The following RPS6KA2 variants were observed in gnomAD, a reference collection of about 807,000 sequenced individuals.
RPS6KA2 encodes ribosomal protein S6 kinase alpha-2.
A neutral mutation model predicts 91.8 loss-of-function variants in RPS6KA2; 42 were observed. That is an observed-to-expected ratio of 0.46 (90% confidence interval 0.36 to 0.59). The LOEUF (loss-of-function observed/expected upper bound fraction) is 0.59. RPS6KA2 is among the 20% of genes least tolerant of loss of function. The pLI is 0.00. For missense variants in RPS6KA2, 798 were observed against 978.5 expected (o/e 0.82, Z 2.46); for synonymous variants, 414 against 393.6 (o/e 1.05, Z -0.61).
chr6:166,757,705 C>A (rs1205879051), intron 2 of RPS6KA2: 2 of 421,042 alleles, frequency 4.8e-6, no homozygotes, highest in Admixed American at 2.5e-5. Context: ...AGCCACCCCG[C>A]ACACCTCCTC....
At chr6:166,830,146 GAAAGAAAGA>G (rs1780149148) in intron 2 of RPS6KA2, among the ~76,000 whole-genome samples, 1 of 45,012 alleles carries the variant, frequency 2.2e-5, no homozygotes, top group African/African-American at 5.1e-5. Flanking sequence ...AAAAAAGAAA[GAAAGAAAGA>G]AAGAAAGAAA....
intron 1 of RPS6KA2, among the ~76,000 whole-genome samples, chr6:166,618,179 G>A (rs1196476463): frequency 6.6e-6 from 1 of 152,248 alleles, no homozygotes; most frequent in Admixed American, 6.5e-5. Context: ...TCACAGGGAA[G>A]AAACCTTCAA....
intron 1 of RPS6KA2, among the ~76,000 whole-genome samples, chr6:166,544,413 C>T (rs1003568110): frequency 6.6e-5 from 10 of 152,142 alleles, no homozygotes; most frequent in African/African-American, 2.2e-4. Context: ...CCTGATAGCT[C>T]GTGGGTCCTC....
chr6:166,455,698 C>A (rs552186954), intron 12 of RPS6KA2, among the ~76,000 whole-genome samples: 1 of 152,218 alleles, frequency 6.6e-6, no homozygotes, highest in Non-Finnish European at 1.5e-5. Context: ...CTCTGCTTCG[C>A]GGCACACGGA....
intron 2 of RPS6KA2, among the ~76,000 whole-genome samples, chr6:166,716,899 GC>G (rs1374814692): frequency 2.5e-5 from 1 of 39,720 alleles, no homozygotes; most frequent in East Asian, 2.6e-3. Flanking sequence ...TAAATAAACT[GC>G]AAAAAAAAGG....
chr6:166,777,093 G>A (rs1778641299), intron 2 of RPS6KA2, among the ~76,000 whole-genome samples: 1 of 152,174 alleles, frequency 6.6e-6, no homozygotes, highest in African/African-American at 2.4e-5. Context: ...AAGGAGGATG[G>A]GGCGGCTGTG....
At chr6:166,656,831 A>T (rs2128555888) in intron 2 of RPS6KA2, among the ~76,000 whole-genome samples, 1 of 152,254 alleles carries the variant, frequency 6.6e-6, no homozygotes, top group Non-Finnish European at 1.5e-5. Flanking sequence ...CGTTGTCCAG[A>T]TTCACCGCGG....
intron 6 of RPS6KA2, among the ~76,000 whole-genome samples, chr6:166,502,069 G>A (rs1274521136): frequency 6.6e-6 from 1 of 152,214 alleles, no homozygotes; most frequent in Non-Finnish European, 1.5e-5. Context: ...GGGCTGGGGA[G>A]CTACTGTGCA....
At chr6:166,841,439 G>A (rs1387360030) in intron 2 of RPS6KA2, among the ~76,000 whole-genome samples, 1 of 152,240 alleles carries the variant, frequency 6.6e-6, no homozygotes, top group African/African-American at 2.4e-5. Context: ...CAGAGCTGAC[G>A]ATGAGCTTTT....
intron 1 of RPS6KA2, among the ~76,000 whole-genome samples, chr6:166,564,045 C>G (rs553936400): frequency 3.9e-5 from 6 of 152,202 alleles, no homozygotes; most frequent in Non-Finnish European, 8.8e-5. Context: ...TGCAGAAATA[C>G]TGGACAACCT....
chr6:166,529,355 G>C (rs997354509), intron 3 of RPS6KA2, among the ~76,000 whole-genome samples: 1 of 152,138 alleles, frequency 6.6e-6, no homozygotes, highest in Non-Finnish European at 1.5e-5. Flanking sequence ...TTCACTCATA[G>C]GTGGGAATTG....
At chr6:166,577,632 G>A (rs997085165) in intron 1 of RPS6KA2, among the ~76,000 whole-genome samples, 16 of 152,164 alleles carry the variant, frequency 1.1e-4, no homozygotes, top group African/African-American at 3.6e-4. Context: ...TTGTATCTAG[G>A]AAGTAACTAG....
intron 2 of RPS6KA2, among the ~76,000 whole-genome samples, chr6:166,661,585 C>A (rs1404111314): frequency 6.6e-6 from 1 of 151,986 alleles, no homozygotes; most frequent in Non-Finnish European, 1.5e-5. Flanking sequence ...ACTGAATTAA[C>A]TTTTTATCAT....
intron 10 of RPS6KA2, among the ~76,000 whole-genome samples, chr6:166,470,534 A>T (rs1469050243): frequency 6.6e-6 from 1 of 152,198 alleles, no homozygotes; most frequent in Non-Finnish European, 1.5e-5. Flanking sequence ...TGTTGCGTAC[A>T]ATCCTAAGGC....
rs1234225701 is a variant in RPS6KA2 at position 166,626,603 on chromosome 6, GC to G, written c.99+317del. ...ACTCGGCGGTCTAGCTGCAGAGAAAGCCCCTCCTCACCCGGGGCTCCCTGTG... is the reference window on the plus strand; with the variant it reads ...ACTCGGCGGTCTAGCTGCAGAGAAAGCCCTCCTCACCCGGGGCTCCCTGTG... On this transcript the variant is annotated intron_variant, in intron 1 of 20. Coordinates refer to ENST00000265678, the MANE Select transcript of RPS6KA2 (RefSeq NM_021135.6). The surrounding 1 kb of genome is among the most constrained non-coding windows in gnomAD (Gnocchi z 4.1). Among the ~76,000 whole-genome samples the G allele has an allele frequency of 6.6e-6, 1 of 152,134 alleles. No individual in the cohort carries two copies. The highest frequency in any genetic ancestry group is 1.5e-5 in the Non-Finnish European group (1 of 67,992).
chr6:166,515,300 C>T lies in RPS6KA2; in HGVS notation c.299-4943G>A, dbSNP rs543199429. Among the ~76,000 whole-genome samples, 10 of 152,242 alleles carry T rather than the reference C, an allele frequency of 6.6e-5. No homozygotes were observed. The East Asian group carries it at 1.7e-3, about 26-fold the overall frequency. On this transcript the variant is annotated intron_variant, in intron 3 of 20. Coordinates refer to ENST00000265678, the MANE Select transcript of RPS6KA2 (RefSeq NM_021135.6). ...TGACTCATGGCCGATTCATCAGGGACGATGTGATGAGGACATCGCTCATCC... is the reference window on the plus strand; with the variant it reads ...TGACTCATGGCCGATTCATCAGGGATGATGTGATGAGGACATCGCTCATCC...
chr6:166,654,101 T>C (rs1353843596), intron 2 of RPS6KA2, among the ~76,000 whole-genome samples: 1 of 152,236 alleles, frequency 6.6e-6, no homozygotes, highest in Non-Finnish European at 1.5e-5. Context: ...TTCCATCATA[T>C]TGGTCAAGCT....
At chr6:166,536,254 C>T (rs1319695396) in intron 2 of RPS6KA2, among the ~76,000 whole-genome samples, 1 of 152,180 alleles carries the variant, frequency 6.6e-6, no homozygotes, top group East Asian at 1.9e-4. Context: ...CTCTTTGGAG[C>T]GGAGGCAGGA....
At chr6:166,713,866 C>T (rs1437115479) in intron 2 of RPS6KA2, among the ~76,000 whole-genome samples, 2 of 152,192 alleles carry the variant, frequency 1.3e-5, no homozygotes, top group Non-Finnish European at 2.9e-5. Flanking sequence ...AGGAAGCTGA[C>T]AGGCTTGTTA....
Sources: gnomAD v4.1 joint callset for allele counts (sites outside exome capture counted in the v4.1 genomes callset) on GRCh38, gnomAD v4.1.1 for gene constraint, Gnocchi (gnomAD v3.1) non-coding constraint, MANE v1.5 for transcripts, NCBI Gene and HGNC (gene_info 2026-07-23, HGNC 2026-07-21) for gene names.